Variants in ZNF585B observed in about 807,000 individuals in gnomAD.
The protein encoded by ZNF585B is zinc finger protein 585B.
ZNF585B carries 7 observed loss-of-function variants against 14.0 expected under a neutral mutation model. The ratio of observed to expected loss-of-function variants is 0.50; its 90% CI spans 0.28 to 0.94. The LOEUF is 0.94. Ranked by LOEUF, ZNF585B falls within the 40% of genes least tolerant of loss-of-function variation. ZNF585B has a pLI of 0.09. For missense variants in ZNF585B, 750 were observed against 924.4 expected (o/e 0.81, Z 2.45); for synonymous variants, 290 against 317.3 (o/e 0.91, Z 0.91).
At chr19:37,209,284 T>C (rs189935437) in intron 1 of ZNF585B, among the ~76,000 whole-genome samples, 9 of 152,054 alleles carry the variant, frequency 5.9e-5, no homozygotes, top group African/African-American at 2.2e-4. Flanking sequence ...TTTGTATTTT[T>C]GGTTAGAGGT....
chr19:37,209,001 AG>A, intron 1 of ZNF585B, among the ~76,000 whole-genome samples: 1 of 152,282 alleles, frequency 6.6e-6, no homozygotes, highest in East Asian at 1.9e-4. Context: ...CAAAAAAAAA[AG>A]TGACAACATC....
intron 3 of ZNF585B, 112 bp downstream of exon 3, chr19:37,189,912 G>A: frequency 6.4e-7 from 1 of 1,562,494 alleles, no homozygotes; most frequent in South Asian, 1.2e-5. Context: ...GAACCCTGGA[G>A]GAAAAAAGGA....
chr19:37,185,709 C>T lies in ZNF585B; in HGVS notation c.1828G>A (p.Asp610Asn). The T allele has an allele frequency of 6.3e-7, 1 of 1,599,278 alleles. No homozygotes were observed. Among genetic ancestry groups the T allele is most frequent in the Non-Finnish European group, 8.5e-7 (1 of 1,172,286 alleles). ...HTGEKPYECS[D>N]CGKSFTSKSQ... is the part of the protein sequence containing the mutation. ...TTGGAGGTAAAGGACTTCCCACAGT[C>T]ACTGCATTCATAAGGCTTCTCTCCA... Residue 610 changes from aspartate (D) to asparagine (N), a missense_variant, in exon 5 of 5, where the codon GAC becomes AAC. Around this residue, in one of 2 missense-constraint regions of ZNF585B, gnomAD observed 233 missense variants for 354.1 expected, o/e 0.66. Coordinates refer to ENST00000532828, the MANE Select transcript of ZNF585B (RefSeq NM_152279.4).
In ZNF585B at chr19:37,183,084, G is replaced by C. The variant is rs917078553; in HGVS notation, c.*2143C>G. ...GTGCATGCTGAGGAAAAATGAGCAG[G>C]GAGTCTTTTGCAATCATGTTGGAGC... On this transcript the variant is annotated 3_prime_UTR_variant, in exon 5 of 5. Transcript: ENST00000532828. 6.6e-6 allele frequency: 1 copy of C among 152,196 alleles called. No homozygotes were observed. Among genetic ancestry groups the C allele is most frequent in the Non-Finnish European group, 1.5e-5 (1 of 68,072 alleles). The allele number at this position is 152,196 out of a possible 1,614,324, so 9.4% of individuals were successfully genotyped here. A position where few individuals can be genotyped will look rare whatever the true frequency, so the allele number is the denominator to read the frequency against.
In ZNF585B at chr19:37,199,759, A is replaced by G. The variant is rs550380813; in HGVS notation, c.72+7281T>C. On this transcript the variant is annotated intron_variant, in intron 2 of 4. Coordinates refer to ENST00000532828, the MANE Select transcript of ZNF585B (RefSeq NM_152279.4). ...ATAATTATAACTACTTAAAATAATT[A>G]AACAGGCCAGGCGCTGTGGCTCATG... 6.6e-5 allele frequency among the ~76,000 whole-genome samples: 10 copies of G among 152,294 alleles called. No homozygotes were observed. The East Asian group carries it at 1.9e-3, about 29-fold the overall frequency.
At chr19:37,187,727 C>A (rs1444795082) in intron 4 of ZNF585B, among the ~76,000 whole-genome samples, 1 of 151,694 alleles carries the variant, frequency 6.6e-6, no homozygotes, top group African/African-American at 2.4e-5. Context: ...CTAGCAGAGG[C>A]TAGAGGGGAA....
At chr19:37,192,509 A>AG (rs1396114794) in intron 2 of ZNF585B, among the ~76,000 whole-genome samples, 2 of 138,548 alleles carry the variant, frequency 1.4e-5, no homozygotes, top group African/African-American at 5.0e-5. Flanking sequence ...CCTGTCTCAA[A>AG]AAAAAAAAAA....
rs764426403 is a variant in ZNF585B, at chr19:37,186,672, G to C, written c.865C>G (p.Arg289Gly). Reference protein sequence around the residue: ...FIQKTQLIAHRRIHSGEKPYE... With the variant: ...FIQKTQLIAHGRIHSGEKPYE... Reference sequence around the variant, plus strand: ...GGTTTTTCTCCACTATGAATTCTTCGGTGTGCAATCAATTGTGTTTTCTGG... The same window carrying C: ...GGTTTTTCTCCACTATGAATTCTTCCGTGTGCAATCAATTGTGTTTTCTGG... The change falls in exon 5 of 5, where the codon CGA becomes GGA. Residue 289 changes from arginine to glycine, a missense_variant. Physicochemically the swap from Arg to Gly is moderately radical, Grantham distance 125. This residue lies in a region of ZNF585B where 517 missense variants were observed against 570.3 expected (regional missense o/e 0.91). Coordinates refer to ENST00000532828, the MANE Select transcript of ZNF585B (RefSeq NM_152279.4). 4.3e-6 allele frequency: 7 copies of C among 1,614,072 alleles called. No individual in the cohort carries two copies. The highest frequency in any genetic ancestry group is 1.1e-5 in the South Asian group (1 of 91,080).
At chr19:37,208,121 C>A (rs554201999) in intron 1 of ZNF585B, among the ~76,000 whole-genome samples, 1 of 152,090 alleles carries the variant, frequency 6.6e-6, no homozygotes, top group East Asian at 1.9e-4. Context: ...TACAGGCATG[C>A]GACACCACGC....
rs143076401 is a variant in ZNF585B, at chr19:37,185,494, G to A, written c.2043C>T (p.His681=). Residue 681 remains histidine, a synonymous_variant, in exon 5 of 5, where the codon CAC becomes CAT. Transcript: ENST00000532828. Reference sequence around the variant, plus strand: ...AAGGTTTCTCTCCAGTATGAATTCTGTGATGTGTAATCAACTCTGACTTCT... The same window carrying A: ...AAGGTTTCTCTCCAGTATGAATTCTATGATGTGTAATCAACTCTGACTTCT... ...FRQKSELITH[H]RIHTGEKPYE... 2 of 1,609,508 alleles carry A rather than the reference G, an allele frequency of 1.2e-6. No individual in the cohort carries two copies. Among genetic ancestry groups the A allele is most frequent in the Non-Finnish European group, 1.7e-6 (2 of 1,178,368 alleles).
intron 2 of ZNF585B, among the ~76,000 whole-genome samples, chr19:37,205,468 T>C (rs1382844314): frequency 6.6e-6 from 1 of 152,152 alleles, no homozygotes; most frequent in African/African-American, 2.4e-5. Flanking sequence ...AAACAAACAT[T>C]AAAACAGCAA....
At chr19:37,188,143 A>C (rs1176667980) in intron 4 of ZNF585B, among the ~76,000 whole-genome samples, 1 of 152,224 alleles carries the variant, frequency 6.6e-6, no homozygotes, top group Non-Finnish European at 1.5e-5. Context: ...ACTAAAGACA[A>C]TGATTAAACT....
At chr19:37,207,454 T>C (rs1379538661) in intron 1 of ZNF585B, among the ~76,000 whole-genome samples, 200 bp from the exon 2 acceptor site, 1 of 152,178 alleles carries the variant, frequency 6.6e-6, no homozygotes, top group Non-Finnish European at 1.5e-5. Flanking sequence ...AGGTAGGCCC[T>C]AAGAATTTTA....
At chr19:37,206,567 G>C (rs1421039010) in intron 2 of ZNF585B, among the ~76,000 whole-genome samples, 2 of 152,116 alleles carry the variant, frequency 1.3e-5, no homozygotes, top group East Asian at 1.9e-4. Context: ...AAGGCAAAAG[G>C]TGTCAAAGTT....
At chr19:37,209,937 G>C (rs1314077792) in intron 1 of ZNF585B, among the ~76,000 whole-genome samples, 1 of 151,556 alleles carries the variant, frequency 6.6e-6, no homozygotes, top group Admixed American at 6.6e-5. Flanking sequence ...GGATGGTCTC[G>C]ATCTCCTGAC....
Position 37,184,797 on chromosome 19 carries a change from G to T in ZNF585B, c.*430C>A. ...ACAATTCTACTAGACAGTGTGTTCTGGAACAAACAACTCACAGAAGGATTC... is the reference window on the plus strand; with the variant it reads ...ACAATTCTACTAGACAGTGTGTTCTTGAACAAACAACTCACAGAAGGATTC... On this transcript the variant is annotated 3_prime_UTR_variant, in exon 5 of 5. Coordinates refer to ENST00000532828, the MANE Select transcript of ZNF585B (RefSeq NM_152279.4). The T allele has an allele frequency of 2.5e-6, 1 of 404,458 alleles. No individual in the cohort carries two copies. The allele number at this position is 404,458 out of a possible 1,614,324, so 25.1% of individuals were successfully genotyped here. A position where few individuals can be genotyped will look rare whatever the true frequency, so the allele number is the denominator to read the frequency against.
intron 2 of ZNF585B, chr19:37,199,077 A>C: frequency 1.5e-6 from 2 of 1,352,114 alleles, no homozygotes; most frequent in Non-Finnish European, 2.0e-6. Context: ...TACATGTTCT[A>C]ATTTTTCTCT....
intron 2 of ZNF585B, among the ~76,000 whole-genome samples, chr19:37,202,548 T>C (rs2145443712): frequency 6.6e-6 from 1 of 152,306 alleles, no homozygotes; most frequent in African/African-American, 2.4e-5. Flanking sequence ...TTAATTCCTT[T>C]AAGGGCTTCT....
At position 37,185,467 on chromosome 19, in the gene ZNF585B, A is replaced by G. The variant is rs766731117; in HGVS notation, c.2070T>C (p.Tyr690=). Residue 690 remains tyrosine, a synonymous_variant, in exon 5 of 5, where the codon TAT becomes TAC. Coordinates refer to ENST00000532828, the MANE Select transcript of ZNF585B (RefSeq NM_152279.4). ...HHRIHTGEKP[Y]ECSDCGKSFT... ...AAGACTTCCCACAGTCACTGCACTC[A>G]TAAGGTTTCTCTCCAGTATGAATTC... 19 of 1,612,596 alleles carry G rather than the reference A, an allele frequency of 1.2e-5. No individual in the cohort carries two copies. Among genetic ancestry groups the G allele is most frequent in the Non-Finnish European group, 1.6e-5 (19 of 1,179,272 alleles).
Sources: gnomAD v4.1 joint callset for allele counts (sites outside exome capture counted in the v4.1 genomes callset) on GRCh38, gnomAD v4.1.1 for gene constraint, gnomAD v4.1.1 regional missense constraint, MANE v1.5 for transcripts, NCBI Gene and HGNC (gene_info 2026-07-23, HGNC 2026-07-21) for gene names.